The following LYST variants were observed in gnomAD, a reference collection of about 807,000 sequenced individuals.
LYST encodes lysosomal-trafficking regulator.
Under a neutral mutation model 413.6 loss-of-function variants are expected in LYST, and 192 were observed. The observed-to-expected ratio is 0.46, with a 90% CI of 0.41 to 0.52. The LOEUF is 0.52. LYST is among the 20% of genes least tolerant of loss of function. The pLI is 0.00. For synonymous variants in LYST, 1,525 were observed against 1,567.3 expected (o/e 0.97, Z 0.64); for missense variants, 3,815 against 4,499.9 (o/e 0.85, Z 4.35).
In LYST at chr1:235,806,503, A is replaced by G; in HGVS notation, c.2633T>C (p.Leu878Pro). 1 of 1,614,070 alleles carries G rather than the reference A, an allele frequency of 6.2e-7. No individual in the cohort carries two copies. Residue 878 changes from leucine to proline, a missense_variant, in exon 6 of 53, where the codon CTC becomes CCC. Leu to Pro is a moderately conservative substitution (Grantham distance 98). Coordinates refer to ENST00000389793, the MANE Select transcript of LYST (RefSeq NM_000081.4). Reference protein sequence around the residue: ...PQSLSKFYAGLKEAYPKRRKT... With the variant: ...PQSLSKFYAGPKEAYPKRRKT... ...CCGTCTCTTTGGATAAGCTTCTTTGAGGCCAGCATAAAATTTGCTGAGACT... is the reference window on the plus strand; with the variant it reads ...CCGTCTCTTTGGATAAGCTTCTTTGGGGCCAGCATAAAATTTGCTGAGACT...
At chr1:235,690,446 GT>G (rs945394849) in intron 47 of LYST, among the ~76,000 whole-genome samples, 8 of 152,024 alleles carry the variant, frequency 5.3e-5, no homozygotes, top group Non-Finnish European at 1.2e-4. Context: ...ACTTGTTTGT[GT>G]TTGGATATAT....
chr1:235,749,912 T>C (rs1666314960), intron 28 of LYST, among the ~76,000 whole-genome samples: 1 of 152,152 alleles, frequency 6.6e-6, no homozygotes, highest in Non-Finnish European at 1.5e-5. Flanking sequence ...AGAGGACTAT[T>C]GTGTTAGCCC....
At chr1:235,736,185 G>T (rs1664802155) in intron 31 of LYST, 1 of 151,958 alleles carries the variant, frequency 6.6e-6, no homozygotes, top group Admixed American at 6.6e-5. Flanking sequence ...GTGTCACTGG[G>T]AATAGATAAC....
intron 28 of LYST, chr1:235,747,090 C>T (rs549420764): frequency 1.5e-4 from 43 of 279,030 alleles, no homozygotes; most frequent in South Asian, 1.4e-3. Context: ...ATTTGGAATT[C>T]AATGCTACAA....
intron 47 of LYST, among the ~76,000 whole-genome samples, chr1:235,688,985 AATAAT>A (rs1204126666): frequency 1.9e-5 from 1 of 51,746 alleles, no homozygotes; most frequent in South Asian, 7.1e-4. Flanking sequence ...CTCCGTCTCA[AATAAT>A]AATAATAATA....
intron 21 of LYST, among the ~76,000 whole-genome samples, chr1:235,765,551 G>C (rs887422985): frequency 2.0e-5 from 3 of 152,112 alleles, no homozygotes; most frequent in Non-Finnish European, 2.9e-5. Context: ...GTCTTAAACT[G>C]TATTTATGGC....
chr1:235,789,274 A>T (rs554001321), intron 12 of LYST, among the ~76,000 whole-genome samples: 43 of 152,296 alleles, frequency 2.8e-4, no homozygotes, highest in African/African-American at 8.9e-4. Flanking sequence ...TTTAAAAAAA[A>T]ATATCATATT....
chr1:235,851,179 T>C (rs1177230606), intron 1 of LYST, among the ~76,000 whole-genome samples: 1 of 131,436 alleles, frequency 7.6e-6, no homozygotes, highest in Non-Finnish European at 1.6e-5. Context: ...TATGTATGTA[T>C]ATGTGTGTGT....
chr1:235,739,245 G>A (rs1255932708), intron 31 of LYST, among the ~76,000 whole-genome samples: 6 of 152,164 alleles, frequency 3.9e-5, no homozygotes, highest in Non-Finnish European at 7.3e-5. Context: ...ATCTTGTGTA[G>A]TCCTAAACTG....
intron 19 of LYST, among the ~76,000 whole-genome samples, chr1:235,771,600 T>TA (rs1558219772): frequency 1.4e-4 from 19 of 135,956 alleles, no homozygotes; most frequent in African/African-American, 6.5e-4. Flanking sequence ...TATCTTATCT[T>TA]TTTTTTTTAG....
At chr1:235,714,027 C>T (rs1335324801) in intron 42 of LYST, among the ~76,000 whole-genome samples, 1 of 152,014 alleles carries the variant, frequency 6.6e-6, no homozygotes, top group Non-Finnish European at 1.5e-5. Context: ...GGTAATAGTT[C>T]TGTTAAACAC....
chr1:235,770,895 T>C (rs1431836584), intron 19 of LYST, among the ~76,000 whole-genome samples: 4 of 152,314 alleles, frequency 2.6e-5, no homozygotes, highest in Admixed American at 6.5e-5. Flanking sequence ...GAATCAATCT[T>C]AACTTGTCCA....
In LYST at chr1:235,677,106, T is replaced by C. The variant is rs768853432; in HGVS notation, c.11023A>G (p.Thr3675Ala). The C allele has an allele frequency of 1.3e-5, 21 of 1,613,790 alleles. No individual in the cohort carries two copies. The highest frequency in any genetic ancestry group is 4.2e-6 in the Non-Finnish European group (5 of 1,179,728). The change falls in exon 50 of 53, where the codon ACT becomes GCT. Residue 3675 changes from threonine (T) to alanine (A), a missense_variant. Thr to Ala is a moderately conservative substitution (Grantham distance 58). Coordinates refer to ENST00000389793, the MANE Select transcript of LYST (RefSeq NM_000081.4). Reference protein sequence around the residue: ...SASETSGDIATVCDSAGGGSD... With the variant: ...SASETSGDIAAVCDSAGGGSD... ...GCAAGCTCACCTGAATCACACACAG[T>C]AGCAATATCACCTGAGGTTTCACTG...
At chr1:235,699,103 C>CT (rs199680727) in intron 45 of LYST, among the ~76,000 whole-genome samples, 1,529 of 151,988 alleles carry the variant, frequency 0.01, 31 homozygotes, top group African/African-American at 0.035. Context: ...ATTCTCCTTT[C>CT]TTTTTTTTAC....
chr1:235,762,472 A>T (rs1667689621), intron 22 of LYST, among the ~76,000 whole-genome samples: 1 of 152,192 alleles, frequency 6.6e-6, no homozygotes, highest in African/African-American at 2.4e-5. Flanking sequence ...TTCTGAAGAA[A>T]ATGGTAAAAT....
rs778548658 is a variant in LYST at position 235,809,140 on chromosome 1, A to G, written c.1678T>C (p.Leu560=). 6.2e-7 allele frequency: 1 copy of G among 1,614,102 alleles called. No individual in the cohort carries two copies. Among genetic ancestry groups the G allele is most frequent in the South Asian group, 1.1e-5 (1 of 91,088 alleles). Reference sequence around the variant, plus strand: ...CTGCTCAAGGAAGCCTGCTGTAGTAAGCGCAAGCACTGATGGGCACACACT... The same window carrying G: ...CTGCTCAAGGAAGCCTGCTGTAGTAGGCGCAAGCACTGATGGGCACACACT... The part of the protein sequence containing the change: ...IAVCAHQCLR[L]LQQASLSSTC... Residue 560 remains leucine, a synonymous_variant, in exon 5 of 53, where the codon TTA becomes CTA. Coordinates refer to ENST00000389793, the MANE Select transcript of LYST (RefSeq NM_000081.4). The surrounding 1 kb of genome is among the most constrained non-coding windows in gnomAD (Gnocchi z 4.0).
chr1:235,827,269 T>C (rs752278969), intron 3 of LYST: 6 of 192,382 alleles, frequency 3.1e-5, no homozygotes, highest in Non-Finnish European at 5.7e-5. Context: ...CTCAGGTGGC[T>C]GAGACATGAC....
At chr1:235,722,564 C>T (rs12082630) in intron 39 of LYST, among the ~76,000 whole-genome samples, 2 of 152,140 alleles carry the variant, frequency 1.3e-5, no homozygotes, top group East Asian at 3.8e-4. Context: ...TGGCTCGCTG[C>T]AACCTCTGCT....
chr1:235,766,638 C>A (rs1668176953), intron 20 of LYST, among the ~76,000 whole-genome samples: 1 of 152,116 alleles, frequency 6.6e-6, no homozygotes, highest in Admixed American at 6.6e-5. Context: ...TTAACATCTG[C>A]ATGCTTCACT....
Sources: allele counts gnomAD v4.1 joint callset (sites outside exome capture counted in the v4.1 genomes callset), GRCh38; gene constraint gnomAD v4.1.1; non-coding constraint Gnocchi (gnomAD v3.1); transcripts MANE v1.5; gene names NCBI Gene and HGNC (gene_info 2026-07-23, HGNC 2026-07-21).